NDST3: variants seen among roughly 807,000 people sequenced by gnomAD.
NDST3 encodes the protein N-deacetylase and N-sulfotransferase 3.
In NDST3, 58 loss-of-function variants were observed where a neutral mutation model predicts 96.1. The ratio of observed to expected loss-of-function variants is 0.60; its 90% CI spans 0.49 to 0.75. The LOEUF is 0.75. Ranked by LOEUF, NDST3 falls within the 30% of genes least tolerant of loss-of-function variation. The pLI is 0.00. For synonymous variants in NDST3, 333 were observed against 359.7 expected (o/e 0.93, Z 0.84); for missense variants, 788 against 1,034.2 (o/e 0.76, Z 3.27).
intron 2 of NDST3, among the ~76,000 whole-genome samples, chr4:118,066,253 A>G (rs185348162): frequency 9.7e-5 from 1 of 10,266 alleles, no homozygotes; most frequent in African/African-American, 1.4e-4. Flanking sequence ...TATATATTAT[A>G]TATTATATAT....
At position 118,107,786 on chromosome 4, in the gene NDST3, G is replaced by T. The variant is rs114385296; in HGVS notation, c.1069+2681G>T. Among the ~76,000 whole-genome samples the T allele has an allele frequency of 9.2e-5, 14 of 152,150 alleles. No homozygotes were observed. In the South Asian group the frequency reaches 2.9e-3, roughly 32 times the overall value. The stretch of plus-strand genomic sequence containing the variant: ...AGAAAAAAATGATAAACTGAATGAC[G>T]CTAAAATTAAGTATTTTTTATATAA... On this transcript the variant is annotated intron_variant, in intron 3 of 13. Transcript: ENST00000296499.
chr4:118,196,216 C>A (rs1010727917), intron 6 of NDST3, among the ~76,000 whole-genome samples: 3 of 152,036 alleles, frequency 2.0e-5, no homozygotes, highest in Admixed American at 2.0e-4. Flanking sequence ...GATGAATGAC[C>A]TTTTTTACCA....
At chr4:118,107,975 G>T (rs565974793) in intron 3 of NDST3, among the ~76,000 whole-genome samples, 2 of 152,292 alleles carry the variant, frequency 1.3e-5, no homozygotes, top group African/African-American at 4.8e-5. Flanking sequence ...GTTCCACATG[G>T]CTGGGGAGGC....
At chr4:118,082,850 G>A (rs971733416) in intron 2 of NDST3, among the ~76,000 whole-genome samples, 2 of 152,142 alleles carry the variant, frequency 1.3e-5, no homozygotes, top group Non-Finnish European at 2.9e-5. Context: ...TGGCTGGGGA[G>A]GCCTCAGGGA....
intron 6 of NDST3, among the ~76,000 whole-genome samples, chr4:118,162,110 G>C (rs201155922): frequency 2.0e-5 from 3 of 152,102 alleles, no homozygotes; most frequent in Non-Finnish European, 2.9e-5. Context: ...AGGATACAAA[G>C]AAATGGAAGA....
chr4:118,050,902 C>T lies in NDST3; in HGVS notation c.-155-2854C>T, dbSNP rs1031893605. Among the ~76,000 whole-genome samples the T allele has an allele frequency of 2.3e-4, 35 of 152,034 alleles. 1 individual carries two copies. In the South Asian group the frequency reaches 5.6e-3, roughly 24 times the overall value. ...AATTCACATGAACCAAAAAAGAGCCCGAATAGCCAAAGCAATTCTAAGCAA... is the reference window on the plus strand; with the variant it reads ...AATTCACATGAACCAAAAAAGAGCCTGAATAGCCAAAGCAATTCTAAGCAA... On this transcript the variant is annotated intron_variant, in intron 1 of 13. Transcript: ENST00000296499.
rs56843725 is a variant in NDST3 at position 118,205,832 on chromosome 4, CTTTTTTTTT to C, written c.1540-18649_1540-18641del. ...CAGTACTGGCCACCTATCGGGCTTT[CTTTTTTTTT>C]TTTTTTTTTGAGACGGAGTCTCGCT... On this transcript the variant is annotated intron_variant, in intron 6 of 13. Coordinates refer to ENST00000296499, the MANE Select transcript of NDST3 (RefSeq NM_004784.3). Among the ~76,000 whole-genome samples, 2 of 95,474 alleles carry C rather than the reference CTTTTTTTTT, an allele frequency of 2.1e-5. 1 individual carries two copies. Among genetic ancestry groups the C allele is most frequent in the Admixed American group, 2.3e-4 (2 of 8,828 alleles). The allele number at this position is 95,474 out of a possible 152,430, so 62.6% of individuals were successfully genotyped here.
intron 6 of NDST3, among the ~76,000 whole-genome samples, chr4:118,164,248 C>A (rs1014621171): frequency 2.6e-5 from 4 of 152,096 alleles, no homozygotes; most frequent in Admixed American, 1.3e-4. Flanking sequence ...GAACAGAAAA[C>A]CAAATACCAC....
intron 6 of NDST3, among the ~76,000 whole-genome samples, chr4:118,161,257 G>A (rs752113112): frequency 6.6e-5 from 10 of 152,178 alleles, no homozygotes; most frequent in African/African-American, 1.7e-4. Context: ...GTACCCGGCC[G>A]TGTGAGGTGT....
At chr4:118,126,160 ATATAATTT>A in intron 4 of NDST3, among the ~76,000 whole-genome samples, 1 of 152,048 alleles carries the variant, frequency 6.6e-6, no homozygotes, top group Admixed American at 6.6e-5. Flanking sequence ...TCAAATAATT[ATATAATTT>A]TGACTATAAT....
At chr4:118,111,846 T>C (rs939351779) in intron 3 of NDST3, among the ~76,000 whole-genome samples, 1 of 151,314 alleles carries the variant, frequency 6.6e-6, no homozygotes, top group Non-Finnish European at 1.5e-5. Flanking sequence ...CACTATGATA[T>C]TCAGGAAAGG....
At chr4:118,116,077 A>C (rs1445742532) in intron 4 of NDST3, among the ~76,000 whole-genome samples, 1 of 152,222 alleles carries the variant, frequency 6.6e-6, no homozygotes, top group East Asian at 1.9e-4. Flanking sequence ...AAAATAAACA[A>C]ATAATAAGCA....
chr4:118,243,107 G>A (rs1741107243), intron 12 of NDST3, among the ~76,000 whole-genome samples: 1 of 150,634 alleles, frequency 6.6e-6, no homozygotes, highest in Non-Finnish European at 1.5e-5. Context: ...TTAATTACAT[G>A]GACTGAGCCT....
chr4:118,232,853 C>T (rs1488195280), intron 8 of NDST3, among the ~76,000 whole-genome samples, 159 bp from the exon 9 acceptor site: 3 of 152,112 alleles, frequency 2.0e-5, no homozygotes, highest in Non-Finnish European at 4.4e-5. Flanking sequence ...TTAGAACCTG[C>T]TTCTATTAAA....
chr4:118,199,344 G>A (rs113503424), intron 6 of NDST3, among the ~76,000 whole-genome samples: 1 of 152,202 alleles, frequency 6.6e-6, no homozygotes, highest in African/African-American at 2.4e-5. Flanking sequence ...TATTGAACGA[G>A]TCTGATGATT....
chr4:118,104,035 A>C (rs143165072), intron 2 of NDST3, among the ~76,000 whole-genome samples: 1 of 152,184 alleles, frequency 6.6e-6, no homozygotes, highest in South Asian at 2.1e-4. Flanking sequence ...AGTTGGGACC[A>C]TAAACATGAT....
chr4:118,160,657 C>G (rs994624848), intron 6 of NDST3, among the ~76,000 whole-genome samples: 8 of 152,110 alleles, frequency 5.3e-5, no homozygotes, highest in Non-Finnish European at 2.9e-5. Flanking sequence ...TCCAGTTGAT[C>G]GCATCGGCTC....
intron 11 of NDST3, among the ~76,000 whole-genome samples, chr4:118,241,505 A>C (rs1473529103): frequency 2.3e-5 from 1 of 42,832 alleles, no homozygotes; most frequent in African/African-American, 3.8e-5. Flanking sequence ...CATAACAAGC[A>C]ACTTCTTCTT....
At chr4:118,050,860 T>TA (rs1470111870) in intron 1 of NDST3, among the ~76,000 whole-genome samples, 1 of 151,508 alleles carries the variant, frequency 6.6e-6, no homozygotes, top group Non-Finnish European at 1.5e-5. Flanking sequence ...TAAATAAATA[T>TA]AAAAAAACTG....
Sources: gnomAD v4.1 joint callset for allele counts (sites outside exome capture counted in the v4.1 genomes callset) on GRCh38, gnomAD v4.1.1 for gene constraint, MANE v1.5 for transcripts, NCBI Gene and HGNC (gene_info 2026-07-23, HGNC 2026-07-21) for gene names.